CCSER1: variants seen among roughly 807,000 people sequenced by gnomAD.
The protein encoded by CCSER1 is coiled-coil serine rich protein 1, also known as serine-rich coiled-coil domain-containing protein 1.
Under a neutral mutation model 82.0 loss-of-function variants are expected in CCSER1, and 41 were observed. The observed-to-expected ratio is 0.50, with a 90% CI of 0.39 to 0.65. The LOEUF (loss-of-function observed/expected upper bound fraction) is 0.65. Ranked by LOEUF, CCSER1 falls within the 30% of genes least tolerant of loss-of-function variation. CCSER1 has a pLI of 0.00. For synonymous variants in CCSER1, 414 were observed against 383.9 expected (o/e 1.08, Z -0.92); for missense variants, 1,119 against 1,064.2 (o/e 1.05, Z -0.72).
intron 10 of CCSER1, among the ~76,000 whole-genome samples, chr4:91,405,249 T>C (rs1247450004): frequency 3.9e-5 from 6 of 151,936 alleles, no homozygotes; most frequent in African/African-American, 1.5e-4. Context: ...TCCATTTGCT[T>C]GGCCATATGT....
intron 10 of CCSER1, among the ~76,000 whole-genome samples, chr4:91,561,003 A>G (rs1041542444): frequency 6.6e-6 from 1 of 151,410 alleles, no homozygotes; most frequent in East Asian, 1.9e-4. Context: ...AAGTAAAACT[A>G]TATGAAAAAC....
At chr4:90,758,307 A>G (rs1341677051) in intron 7 of CCSER1, among the ~76,000 whole-genome samples, 3 of 152,148 alleles carry the variant, frequency 2.0e-5, no homozygotes, top group Non-Finnish European at 2.9e-5. Flanking sequence ...TAAAAATAAT[A>G]GAGATGTGAA....
intron 10 of CCSER1, among the ~76,000 whole-genome samples, chr4:91,414,935 G>C (rs1406078261): frequency 6.6e-6 from 1 of 152,128 alleles, no homozygotes; most frequent in Non-Finnish European, 1.5e-5. Context: ...TGTATATAAA[G>C]CAAATGTTAG....
intron 1 of CCSER1, among the ~76,000 whole-genome samples, chr4:90,256,853 G>GAGAA (rs1408912150): frequency 6.6e-6 from 1 of 152,088 alleles, no homozygotes; most frequent in Non-Finnish European, 1.5e-5. Context: ...TTTTGAGAGA[G>GAGAA]AGAAAGAGGG....
intron 10 of CCSER1, among the ~76,000 whole-genome samples, chr4:91,115,171 T>C (rs1237784691): frequency 2.6e-5 from 4 of 152,196 alleles, no homozygotes; most frequent in Admixed American, 2.6e-4. Context: ...GGATGTCTTT[T>C]TAGAAAGTAA....
chr4:91,477,419 A>G (rs894024900), intron 10 of CCSER1, among the ~76,000 whole-genome samples: 1 of 151,720 alleles, frequency 6.6e-6, no homozygotes, highest in African/African-American at 2.4e-5. Context: ...GGCTTACATA[A>G]TTTCAGCTAT....
chr4:90,801,506 A>G (rs909189471), intron 7 of CCSER1, among the ~76,000 whole-genome samples: 1 of 152,202 alleles, frequency 6.6e-6, no homozygotes, highest in Non-Finnish European at 1.5e-5. Context: ...CAAAAAGATT[A>G]TGCTGATATC....
At chr4:91,347,972 T>C (rs1371707683) in intron 10 of CCSER1, among the ~76,000 whole-genome samples, 1 of 152,070 alleles carries the variant, frequency 6.6e-6, no homozygotes, top group African/African-American at 2.4e-5. Flanking sequence ...ATTTCCTTTT[T>C]TGTTGTTCTT....
chr4:90,880,577 G>C (rs1353662470), intron 8 of CCSER1, among the ~76,000 whole-genome samples: 1 of 152,188 alleles, frequency 6.6e-6, no homozygotes, highest in Non-Finnish European at 1.5e-5. Context: ...GTGGCAGAGA[G>C]GCTTTCAGTT....
intron 5 of CCSER1, among the ~76,000 whole-genome samples, chr4:90,547,243 AAG>A (rs1776875685): frequency 6.6e-6 from 1 of 151,988 alleles, no homozygotes; most frequent in Non-Finnish European, 1.5e-5. Context: ...AAATAAAAAA[AAG>A]AAAAAAAAAG....
chr4:90,933,348 C>T (rs1309369956), intron 9 of CCSER1, among the ~76,000 whole-genome samples: 7 of 151,424 alleles, frequency 4.6e-5, no homozygotes, highest in African/African-American at 1.2e-4. Context: ...CCACCACGCC[C>T]GGCTAATTTT....
At chr4:90,380,589 G>C (rs561445849) in intron 3 of CCSER1, among the ~76,000 whole-genome samples, 1 of 152,100 alleles carries the variant, frequency 6.6e-6, no homozygotes, top group East Asian at 1.9e-4. Context: ...AAATGTACAA[G>C]TTATTTATTC....
chr4:90,971,076 A>G (rs890988069), intron 9 of CCSER1, among the ~76,000 whole-genome samples: 5 of 151,978 alleles, frequency 3.3e-5, no homozygotes, highest in Non-Finnish European at 4.4e-5. Flanking sequence ...TTACAGCAGA[A>G]GTAAAGTAGA....
intron 10 of CCSER1, among the ~76,000 whole-genome samples, chr4:91,098,255 C>G (rs1724704830): frequency 6.6e-6 from 1 of 152,082 alleles, no homozygotes; most frequent in Non-Finnish European, 1.5e-5. Flanking sequence ...CATTGTTTAT[C>G]TTTTGAGGAA....
chr4:90,606,161 TA>T (rs1456908196), intron 5 of CCSER1, among the ~76,000 whole-genome samples: 1 of 151,806 alleles, frequency 6.6e-6, no homozygotes, highest in Non-Finnish European at 1.5e-5. Context: ...CTGTTATTAA[TA>T]AGTTATGGCC....
At chr4:90,740,345 T>A (rs766677045) in intron 7 of CCSER1, among the ~76,000 whole-genome samples, 1 of 152,150 alleles carries the variant, frequency 6.6e-6, no homozygotes. Context: ...GCAGACAGCA[T>A]TACTGATGGA....
intron 3 of CCSER1, among the ~76,000 whole-genome samples, chr4:90,355,887 A>T (rs900190469): frequency 1.7e-4 from 26 of 151,974 alleles, no homozygotes; most frequent in Non-Finnish European, 3.2e-4. Context: ...TATTGTAAAT[A>T]TAAATTATCC....
chr4:90,886,841 G>C (rs889639932), intron 8 of CCSER1, among the ~76,000 whole-genome samples: 2 of 152,244 alleles, frequency 1.3e-5, no homozygotes. Context: ...AAGAAAATCA[G>C]TTCTGTACTG....
intron 7 of CCSER1, among the ~76,000 whole-genome samples, chr4:90,782,987 G>A (rs570808665): frequency 1.3e-5 from 2 of 152,272 alleles, no homozygotes; most frequent in East Asian, 1.9e-4. Flanking sequence ...AGGCTGGAGT[G>A]CAGTGGTGCA....
Sources: gnomAD v4.1 joint callset for allele counts (sites outside exome capture counted in the v4.1 genomes callset) on GRCh38, gnomAD v4.1.1 for gene constraint, MANE v1.5 for transcripts, NCBI Gene and HGNC (gene_info 2026-07-23, HGNC 2026-07-21) for gene names.